The following PDZD8 variants were observed in gnomAD, a reference collection of about 807,000 sequenced individuals.
PDZD8 encodes the protein PDZ domain-containing protein 8.
A neutral mutation model predicts 85.8 loss-of-function variants in PDZD8; 14 were observed. The ratio of observed to expected loss-of-function variants is 0.16; its 90% CI spans 0.11 to 0.26. The LOEUF (loss-of-function observed/expected upper bound fraction) is 0.26, where lower values mean the gene tolerates loss of function less well. Ranked by LOEUF, PDZD8 falls within the 10% of genes least tolerant of loss-of-function variation. PDZD8 has a pLI of 1.00. For missense variants in PDZD8, 1,197 were observed against 1,424.3 expected (o/e 0.84, Z 2.57); for synonymous variants, 592 against 568.6 (o/e 1.04, Z -0.59).
At chr10:117,346,228 C>T (rs1193128727) in intron 1 of PDZD8, among the ~76,000 whole-genome samples, 1 of 126,004 alleles carries the variant, frequency 7.9e-6, no homozygotes, top group Non-Finnish European at 1.6e-5. Context: ...AGCGAAACTC[C>T]GTCCAAAAAA....
intron 2 of PDZD8, among the ~76,000 whole-genome samples, chr10:117,333,357 A>C (rs1328198491): frequency 6.6e-6 from 1 of 152,182 alleles, no homozygotes; most frequent in African/African-American, 2.4e-5. Flanking sequence ...AATAAGTACA[A>C]CTAATAATAC....
At chr10:117,319,071 C>A in intron 2 of PDZD8, 97 bp from the exon 3 acceptor site, 1 of 777,426 alleles carries the variant, frequency 1.3e-6, no homozygotes, top group Non-Finnish European at 2.1e-6. Flanking sequence ...CACATTACTC[C>A]ATTACTATTA....
At position 117,305,844 on chromosome 10, in the gene PDZD8, T is replaced by C. The variant is rs74159165; in HGVS notation, c.1098+13028A>G. 2.8e-3 allele frequency among the ~76,000 whole-genome samples: 422 copies of C among 152,324 alleles called. 4 individuals are homozygous for C. Among genetic ancestry groups the C allele is most frequent in the African/African-American group, 9.9e-3 (410 of 41,566 alleles). ...ATTAGTTTTTGAAGAAAATCTTCCATGTCATCTAGCATGGCTTTGTTCTAA... is the reference window on the plus strand; with the variant it reads ...ATTAGTTTTTGAAGAAAATCTTCCACGTCATCTAGCATGGCTTTGTTCTAA... On this transcript the variant is annotated intron_variant, in intron 3 of 4. Coordinates refer to ENST00000334464, the MANE Select transcript of PDZD8 (RefSeq NM_173791.5).
intron 1 of PDZD8, among the ~76,000 whole-genome samples, chr10:117,352,809 G>A (rs916262043): frequency 2.0e-5 from 3 of 152,180 alleles, no homozygotes; most frequent in Non-Finnish European, 2.9e-5. Flanking sequence ...CCACACCACA[G>A]GGGAGATAAA....
At chr10:117,368,345 C>G (rs1309247834) in intron 1 of PDZD8, among the ~76,000 whole-genome samples, 1 of 152,144 alleles carries the variant, frequency 6.6e-6, no homozygotes, top group Non-Finnish European at 1.5e-5. Context: ...ATTATTCCAG[C>G]ATAGCTAGAG....
intron 1 of PDZD8, among the ~76,000 whole-genome samples, chr10:117,363,271 T>A (rs1845027866): frequency 6.6e-6 from 1 of 152,120 alleles, no homozygotes; most frequent in African/African-American, 2.4e-5. Context: ...CCCGTATGTA[T>A]GAAAGACTAT....
Position 117,290,265 on chromosome 10 carries a change from G to T in PDZD8, c.1182C>A (p.Val394=). ...VQSTDGYAGH[V]IIETVAPNSP... is the part of the protein sequence containing the mutation. ...AGTTTGGAGCCACAGTTTCAATGATGACGTGCCCAGCATACCCATCAGTTG... is the reference window on the plus strand; with the variant it reads ...AGTTTGGAGCCACAGTTTCAATGATTACGTGCCCAGCATACCCATCAGTTG... Residue 394 remains valine, a synonymous_variant, in exon 4 of 5, where the codon GTC becomes GTA. Transcript: ENST00000334464. 1 of 1,614,028 alleles carries T rather than the reference G, an allele frequency of 6.2e-7. No homozygotes were observed. The highest frequency in any genetic ancestry group is 2.2e-5 in the East Asian group (1 of 44,876).
At chr10:117,324,892 T>G (rs537701836) in intron 2 of PDZD8, among the ~76,000 whole-genome samples, 37 of 152,328 alleles carry the variant, frequency 2.4e-4, no homozygotes, top group African/African-American at 8.7e-4. Flanking sequence ...TTGAAGCCTT[T>G]ACTTTTTCAT....
chr10:117,365,012 T>C (rs910800411), intron 1 of PDZD8, among the ~76,000 whole-genome samples: 3 of 152,098 alleles, frequency 2.0e-5, no homozygotes, highest in Non-Finnish European at 4.4e-5. Flanking sequence ...TGCTTGAGCA[T>C]ACAGTTAGGT....
At chr10:117,311,642 AATG>A (rs1844038367) in intron 3 of PDZD8, among the ~76,000 whole-genome samples, 1 of 152,126 alleles carries the variant, frequency 6.6e-6, no homozygotes, top group Non-Finnish European at 1.5e-5. Flanking sequence ...TTCCAGAGGA[AATG>A]ATGATTACTG....
At chr10:117,287,761 T>C (rs187714825) in intron 4 of PDZD8, among the ~76,000 whole-genome samples, 31 of 152,292 alleles carry the variant, frequency 2.0e-4, no homozygotes, top group Non-Finnish European at 3.7e-4. Flanking sequence ...ACCAAACATA[T>C]TGCTACGAAA....
chr10:117,346,659 G>A (rs1156763910), intron 1 of PDZD8, among the ~76,000 whole-genome samples: 1 of 152,020 alleles, frequency 6.6e-6, no homozygotes, highest in Admixed American at 6.5e-5. Context: ...ATATGTAAAT[G>A]CCAGCAGCTG....
chr10:117,294,824 T>TA (rs1165882053), intron 3 of PDZD8, among the ~76,000 whole-genome samples: 1 of 151,948 alleles, frequency 6.6e-6, no homozygotes, highest in Non-Finnish European at 1.5e-5. Flanking sequence ...CTCATAGAAA[T>TA]AGACGTAGAA....
intron 3 of PDZD8, among the ~76,000 whole-genome samples, chr10:117,298,173 G>A (rs554860973): frequency 9.2e-5 from 14 of 152,042 alleles, no homozygotes; most frequent in African/African-American, 3.1e-4. Context: ...CAAGAACAGC[G>A]TGTCTGAAAG....
intron 2 of PDZD8, among the ~76,000 whole-genome samples, chr10:117,331,998 A>C (rs1020872730): frequency 6.6e-6 from 1 of 152,218 alleles, no homozygotes; most frequent in African/African-American, 2.4e-5. Context: ...ATGTATAAAA[A>C]CTAACGGAAA....
intron 3 of PDZD8, among the ~76,000 whole-genome samples, chr10:117,318,209 C>T (rs1844163806): frequency 6.6e-6 from 1 of 152,170 alleles, no homozygotes; most frequent in East Asian, 1.9e-4. Flanking sequence ...AAGCCTGCTC[C>T]AGTGTCATCT....
intron 1 of PDZD8, among the ~76,000 whole-genome samples, chr10:117,371,892 A>C (rs993034587): frequency 6.6e-6 from 1 of 152,196 alleles, no homozygotes; most frequent in African/African-American, 2.4e-5. Context: ...GCCGTGAGCC[A>C]TGATCCTGAC....
chr10:117,360,396 ATAGC>A (rs1391452301), intron 1 of PDZD8, among the ~76,000 whole-genome samples: 1 of 152,090 alleles, frequency 6.6e-6, no homozygotes, highest in African/African-American at 2.4e-5. Context: ...CAGCTTTCAC[ATAGC>A]TAAAAAAATG....
chr10:117,294,327 C>CAAAAAA (rs71013656), intron 3 of PDZD8, among the ~76,000 whole-genome samples: 1 of 142,548 alleles, frequency 7.0e-6, no homozygotes, highest in Non-Finnish European at 1.5e-5. Flanking sequence ...ACCAAAAAGA[C>CAAAAAA]AAAAAAAAAA....
Sources: allele counts gnomAD v4.1 joint callset (sites outside exome capture counted in the v4.1 genomes callset), GRCh38; gene constraint gnomAD v4.1.1; transcripts MANE v1.5; gene names NCBI Gene and HGNC (gene_info 2026-07-23, HGNC 2026-07-21).